SGCG: variants seen among roughly 807,000 people sequenced by gnomAD.
SGCG encodes sarcoglycan gamma, also known as gamma-sarcoglycan.
A neutral mutation model predicts 29.3 loss-of-function variants in SGCG; 26 were observed. The observed-to-expected ratio is 0.89, with a 90% CI of 0.65 to 1.23. SGCG has a LOEUF of 1.23. SGCG is among the 50% of genes most tolerant of loss of function. The probability of loss-of-function intolerance (pLI) is 0.00; values close to 1 mark genes in which losing one functional copy is unlikely to be tolerated. For synonymous variants in SGCG, 145 were observed against 129.7 expected (o/e 1.12, Z -0.80); for missense variants, 353 against 356.0 (o/e 0.99, Z 0.07).
At chr13:23,184,190 A>G (rs1565990406) in intron 1 of SGCG, among the ~76,000 whole-genome samples, 1 of 152,260 alleles carries the variant, frequency 6.6e-6, no homozygotes, top group Admixed American at 6.5e-5. Context: ...AAACACATAT[A>G]TACCACGTTT....
intron 2 of SGCG, among the ~76,000 whole-genome samples, chr13:23,215,166 C>T (rs979330340): frequency 3.3e-5 from 5 of 152,124 alleles, no homozygotes; most frequent in Non-Finnish European, 7.3e-5. Flanking sequence ...CAAGGAGGGA[C>T]GTTCATCAGC....
chr13:23,227,985 AT>A (rs1358573035), intron 2 of SGCG, among the ~76,000 whole-genome samples: 1 of 151,870 alleles, frequency 6.6e-6, no homozygotes, highest in African/African-American at 2.4e-5. Context: ...TAATTTTTGT[AT>A]TTTTTGTAGA....
At chr13:23,311,962 C>T (rs963011699) in intron 6 of SGCG, among the ~76,000 whole-genome samples, 2 of 152,036 alleles carry the variant, frequency 1.3e-5, no homozygotes, top group Non-Finnish European at 1.5e-5. Flanking sequence ...TGCATGTTTT[C>T]GTTGCTTTTT....
intron 2 of SGCG, among the ~76,000 whole-genome samples, chr13:23,209,620 C>A (rs1383360700): frequency 1.3e-5 from 2 of 152,126 alleles, no homozygotes; most frequent in African/African-American, 4.8e-5. Flanking sequence ...TAAAATATCA[C>A]CCTTGTAGTG....
Position 23,192,114 on chromosome 13 carries a change from G to T in SGCG, c.-1+11039G>T, listed in dbSNP as rs1392312584. On this transcript the variant is annotated intron_variant, in intron 1 of 7. Transcript: ENST00000218867. Reference sequence around the variant, plus strand: ...GACGTGAACCCGGGAAGCGGAGTTTGCAGTGAGCCGAGATCGCGCCATTGC... The same window carrying T: ...GACGTGAACCCGGGAAGCGGAGTTTTCAGTGAGCCGAGATCGCGCCATTGC... Among the ~76,000 whole-genome samples the T allele has an allele frequency of 4.0e-5, 6 of 150,514 alleles. 1 individual carries two copies. Among genetic ancestry groups the T allele is most frequent in the African/African-American group, 1.5e-4 (6 of 41,048 alleles).
chr13:23,291,822 G>A (rs1255521470), intron 5 of SGCG, among the ~76,000 whole-genome samples: 1 of 152,170 alleles, frequency 6.6e-6, no homozygotes, highest in Non-Finnish European at 1.5e-5. Flanking sequence ...ACGCTGCTGT[G>A]AAAGTTGATT....
chr13:23,242,507 C>G (rs748047398), intron 3 of SGCG, among the ~76,000 whole-genome samples: 13 of 152,122 alleles, frequency 8.5e-5, no homozygotes, highest in Non-Finnish European at 1.9e-4. Context: ...GTTCTACGTT[C>G]TATGATTCTT....
chr13:23,249,012 A>AC (rs67343671), intron 3 of SGCG, among the ~76,000 whole-genome samples: 1 of 142,130 alleles, frequency 7.0e-6, no homozygotes, highest in Non-Finnish European at 1.5e-5. Flanking sequence ...AAAAAAAAAA[A>AC]CAAACCTCAA....
intron 4 of SGCG, among the ~76,000 whole-genome samples, chr13:23,261,460 A>C (rs978079314): frequency 6.6e-6 from 1 of 152,114 alleles, no homozygotes; most frequent in Non-Finnish European, 1.5e-5. Flanking sequence ...ACACAAATAA[A>C]GAAAAACAAA....
intron 1 of SGCG, among the ~76,000 whole-genome samples, chr13:23,190,718 C>G (rs1877213579): frequency 6.6e-6 from 1 of 152,178 alleles, no homozygotes; most frequent in South Asian, 2.1e-4. Context: ...TATTTACAAT[C>G]CACCTGTTGT....
chr13:23,207,633 C>T (rs1264386251), intron 2 of SGCG, among the ~76,000 whole-genome samples: 35 of 152,064 alleles, frequency 2.3e-4, no homozygotes, highest in Admixed American at 2.3e-3. Flanking sequence ...AGACAAATAA[C>T]CTGATTAAAA....
chr13:23,246,310 C>T (rs917696055), intron 3 of SGCG: 3 of 152,200 alleles, frequency 2.0e-5, no homozygotes, highest in Admixed American at 6.5e-5. Context: ...ATTACAACGT[C>T]CTTATGGAGG....
intron 6 of SGCG, among the ~76,000 whole-genome samples, chr13:23,299,214 C>T (rs985345201): frequency 5.3e-5 from 8 of 151,696 alleles, no homozygotes; most frequent in Non-Finnish European, 1.2e-4. Flanking sequence ...GCTGTCTCCA[C>T]CACCCAGCGG....
chr13:23,269,883 G>GC (rs1880800957), intron 4 of SGCG, among the ~76,000 whole-genome samples: 1 of 117,002 alleles, frequency 8.5e-6, no homozygotes, highest in South Asian at 2.7e-4. Context: ...TGTTTTTTTT[G>GC]TTTTTTTTTG....
At chr13:23,261,765 C>T (rs999863264) in intron 4 of SGCG, among the ~76,000 whole-genome samples, 4 of 151,990 alleles carry the variant, frequency 2.6e-5, no homozygotes, top group Non-Finnish European at 5.9e-5. Flanking sequence ...ACAAAAGGAT[C>T]AGGTAACCTA....
At chr13:23,193,820 C>G (rs192527149) in intron 1 of SGCG, among the ~76,000 whole-genome samples, 1 of 152,104 alleles carries the variant, frequency 6.6e-6, no homozygotes, top group Non-Finnish European at 1.5e-5. Context: ...ATAGGATCAC[C>G]TTGAAAAATT....
intron 1 of SGCG, among the ~76,000 whole-genome samples, chr13:23,199,025 G>T (rs1027189486): frequency 4.6e-5 from 7 of 151,112 alleles, no homozygotes; most frequent in African/African-American, 1.7e-4. Context: ...GGAGAATGAC[G>T]GGGACCTGGA....
the SGCG span, among the ~76,000 whole-genome samples, chr13:23,163,975 T>G: frequency 3.4e-4 from 52 of 152,178 alleles, no homozygotes; most frequent in Non-Finnish European, 5.3e-4. Context: ...GGCATGGTGA[T>G]GCACAGAAAT....
At chr13:23,260,383 C>T (rs1452493348) in intron 4 of SGCG, among the ~76,000 whole-genome samples, 2 of 151,878 alleles carry the variant, frequency 1.3e-5, no homozygotes, top group African/African-American at 4.8e-5. Flanking sequence ...TTTTATTTTG[C>T]TTTCCATTTG....
Sources: gnomAD v4.1 joint callset for allele counts (sites outside exome capture counted in the v4.1 genomes callset) on GRCh38, gnomAD v4.1.1 for gene constraint, MANE v1.5 for transcripts, NCBI Gene and HGNC (gene_info 2026-07-23, HGNC 2026-07-21) for gene names.